SLC49A3: variants seen among roughly 807,000 people sequenced by gnomAD.
The protein encoded by SLC49A3 is solute carrier family 49 member 3, also known as solute carrier family 49 member A3.
Under a neutral mutation model 43.8 loss-of-function variants are expected in SLC49A3, and 50 were observed. The observed-to-expected ratio is 1.14, with a 90% confidence interval of 0.91 to 1.45. The LOEUF is 1.45. SLC49A3 is among the 40% of genes most tolerant of loss of function. SLC49A3 has a pLI of 0.00. For synonymous variants in SLC49A3, 413 were observed against 352.0 expected (o/e 1.17, Z -1.94); for missense variants, 906 against 774.1 (o/e 1.17, Z -2.02).
In SLC49A3 at chr4:682,208, C is replaced by T; in HGVS notation, c.1430G>A (p.Gly477Glu). 1 of 1,374,458 alleles carries T rather than the reference C, an allele frequency of 7.3e-7. No individual in the cohort carries two copies. The highest frequency in any genetic ancestry group is 9.5e-7 in the Non-Finnish European group (1 of 1,052,724). The allele number at this position is 1,374,458 out of a possible 1,614,324, so 85.1% of individuals were successfully genotyped here. A position where few individuals can be genotyped will look rare whatever the true frequency, so the allele number is the denominator to read the frequency against. The change falls in exon 10 of 10, where the codon GGA becomes GAA. Residue 477 changes from glycine (G) to glutamate (E), a missense_variant. Transcript: ENST00000322224. The stretch of plus-strand genomic sequence containing the variant: ...GCTGGGCCCCAGGACCCCAGCCCTT[C>T]CTGCTCCCCCTCGGTCCACACCCGG... ...SGPGVDRGGA[G>E]RAGVLGPSTA...
downstream of SLC49A3, chr4:678,183 C>T (rs989337169): frequency 3.5e-5 from 53 of 1,533,338 alleles, no homozygotes; most frequent in East Asian, 9.9e-5. Context: ...TGTGCATGAG[C>T]GTGTGTATGT....
At chr4:681,072 A>C, downstream of SLC49A3, 3 of 1,588,748 alleles carry the variant, frequency 1.9e-6, 1 homozygote, top group African/African-American at 4.0e-5. Context: ...GCCCGCGCTG[A>C]CCCCTTTCCT....
rs1439650473 is a variant in SLC49A3 at position 684,857 on chromosome 4, C to G, written c.586-1G>C. ...CAGCAGGGATGGTATAGACACCGAGCTGGGGAGGGGTGTGTGTGCACAAGG... is the reference window on the plus strand; with the variant it reads ...CAGCAGGGATGGTATAGACACCGAGGTGGGGAGGGGTGTGTGTGCACAAGG... On this transcript the variant is annotated splice_acceptor_variant, in intron 4 of 9. Coordinates refer to ENST00000322224, the MANE Select transcript of SLC49A3 (RefSeq NM_032219.4). LOFTEE classifies it high-confidence loss of function. The G allele has an allele frequency of 4.3e-6, 7 of 1,611,246 alleles. No homozygotes were observed. Among genetic ancestry groups the G allele is most frequent in the Non-Finnish European group, 5.9e-6 (7 of 1,179,528 alleles).
intron 1 of SLC49A3, among the ~76,000 whole-genome samples, chr4:687,690 T>A (rs1021607447): frequency 2.0e-5 from 3 of 152,164 alleles, no homozygotes; most frequent in African/African-American, 7.2e-5. Context: ...TCTGACTCCC[T>A]TCCTCATCTC....
chr4:678,180 G>T (rs953989827), downstream of SLC49A3: 1 of 1,537,464 alleles, frequency 6.5e-7, no homozygotes, highest in African/African-American at 1.4e-5. Flanking sequence ...GTGTGTGCAT[G>T]AGCGTGTGTA....
upstream of SLC49A3, among the ~76,000 whole-genome samples, chr4:689,603 A>G (rs529382572): frequency 5.1e-4 from 78 of 152,340 alleles, no homozygotes; most frequent in African/African-American, 1.7e-3. Context: ...GCCTCAAATC[A>G]GACCAGTCCC....
At chr4:686,717 C>T (rs200019977) in intron 1 of SLC49A3, 27 bp from the exon 2 acceptor site, 2 of 1,604,502 alleles carry the variant, frequency 1.2e-6, no homozygotes, top group Non-Finnish European at 1.7e-6. Flanking sequence ...GGAGTCAGCG[C>T]AGGGCCACAG....
intron 8 of SLC49A3, 40 bp from the exon 9 acceptor site, chr4:682,930 C>G (rs1018639340): frequency 2.7e-6 from 4 of 1,486,672 alleles, no homozygotes; most frequent in Non-Finnish European, 2.7e-6. Flanking sequence ...GCACTGCCCA[C>G]CCCCTCGGAG....
In SLC49A3 at chr4:686,154, G is replaced by A. The variant is rs147077935; in HGVS notation, c.443C>T (p.Ala148Val). ...LAQSLVIFSP[A>V]KLAALWFPEH... ...TGGGAACCACAAGGCAGCCAGCTTGGCTGGAGAGAAGATGACCAGGCTCTG... is the reference window on the plus strand; with the variant it reads ...TGGGAACCACAAGGCAGCCAGCTTGACTGGAGAGAAGATGACCAGGCTCTG... The change falls in exon 3 of 10, where the codon GCC (alanine) becomes GTC (valine). Residue 148 changes from alanine to valine, a missense_variant. Ala to Val is a moderately conservative substitution (Grantham distance 64, BLOSUM62 0). Transcript: ENST00000322224. The A allele has an allele frequency of 2.5e-6, 4 of 1,613,232 alleles. No individual in the cohort carries two copies. In the African/African-American group the frequency reaches 4.0e-5, roughly 16 times the overall value.
At position 682,905 on chromosome 4, in the gene SLC49A3, C is replaced by T; in HGVS notation, c.1152-15G>A. On this transcript the variant is annotated splice_polypyrimidine_tract_variant and intron_variant, in intron 8 of 9. Coordinates refer to ENST00000322224, the MANE Select transcript of SLC49A3 (RefSeq NM_032219.4). ...CCTCGGCCTGCCTGGACACACGTGG[C>T]CCTCAGCCCCCGCTGCACTGCCCAC... The T allele has an allele frequency of 6.4e-7, 1 of 1,566,120 alleles. No individual in the cohort carries two copies. Among genetic ancestry groups the T allele is most frequent in the Non-Finnish European group, 8.7e-7 (1 of 1,151,668 alleles).
At chr4:690,427 T>C (rs1741784819), upstream of SLC49A3, among the ~76,000 whole-genome samples, 1 of 151,888 alleles carries the variant, frequency 6.6e-6, no homozygotes. Flanking sequence ...TTCCTTCTGT[T>C]CTCCTTCTCC....
At chr4:679,711 T>C (rs1739249046), downstream of SLC49A3, among the ~76,000 whole-genome samples, 1 of 152,162 alleles carries the variant, frequency 6.6e-6, no homozygotes, top group Non-Finnish European at 1.5e-5. Flanking sequence ...CCTCAGCACT[T>C]AGTCCTGGGG....
chr4:686,336 C>T (rs778149083), intron 2 of SLC49A3, 34 bp from the exon 3 acceptor site: 18 of 1,605,834 alleles, frequency 1.1e-5, no homozygotes, highest in East Asian at 1.1e-4. Context: ...GGGTCAGGAA[C>T]GCTGCCACCA....
intron 5 of SLC49A3, 46 bp downstream of exon 5, chr4:684,673 C>T: frequency 1.2e-6 from 2 of 1,605,906 alleles, no homozygotes; most frequent in Non-Finnish European, 1.7e-6. Flanking sequence ...AGCCTCTTGC[C>T]CCCACCCCCA....
intron 6 of SLC49A3, 105 bp downstream of exon 6, chr4:684,378 C>G (rs899177229): frequency 1.7e-5 from 26 of 1,487,282 alleles, no homozygotes; most frequent in Non-Finnish European, 2.2e-5. Context: ...GTCAATGTGG[C>G]CCCCGCCAGG....
At chr4:680,083 T>C (rs73219286), downstream of SLC49A3, 51,710 of 1,369,644 alleles carry the variant, frequency 0.038, 1,231 homozygotes, top group Non-Finnish European at 0.045. Flanking sequence ...ATCCGGACAT[T>C]TCACGTAAAA....
chr4:688,914 G>A, intron 1 of SLC49A3, 79 bp downstream of exon 1: 1 of 1,505,026 alleles, frequency 6.6e-7, no homozygotes, highest in Admixed American at 2.2e-5. Flanking sequence ...ACCTCGGGCT[G>A]TGGCCACAGG....
At chr4:689,187 C>A (rs1329922451), upstream of SLC49A3, 2 of 1,201,228 alleles carry the variant, frequency 1.7e-6, no homozygotes, top group Non-Finnish European at 2.1e-6. Flanking sequence ...TAAGGACCTT[C>A]CCGCGTGGGC....
At chr4:688,794 C>G in intron 1 of SLC49A3, 199 bp downstream of exon 1, 2 of 807,688 alleles carry the variant, frequency 2.5e-6, no homozygotes, top group South Asian at 4.4e-5. Context: ...GGGCACCCAG[C>G]CCTGCTCTGT....
Sources: allele counts gnomAD v4.1 joint callset (sites outside exome capture counted in the v4.1 genomes callset), GRCh38; gene constraint gnomAD v4.1.1; transcripts MANE v1.5; gene names NCBI Gene and HGNC (gene_info 2026-07-23, HGNC 2026-07-21).